Variants in CUBN observed in about 807,000 individuals in gnomAD.
The protein encoded by CUBN is cubilin, also known as 460 kDa receptor.
CUBN carries 282 observed loss-of-function variants against 405.3 expected under a neutral mutation model. The observed-to-expected ratio is 0.70, with a 90% CI of 0.63 to 0.77. The LOEUF is 0.77. Among genes scored for constraint, CUBN ranks in the 30% least tolerant of loss-of-function variants. CUBN has a pLI of 0.00. For missense variants in CUBN, 4,514 were observed against 4,475.2 expected (o/e 1.01, Z -0.25); for synonymous variants, 1,684 against 1,617.0 (o/e 1.04, Z -0.99).
intron 60 of CUBN, among the ~76,000 whole-genome samples, chr10:16,850,844 C>A (rs1839664994): frequency 6.6e-6 from 1 of 152,130 alleles, no homozygotes; most frequent in Non-Finnish European, 1.5e-5. Flanking sequence ...AATCTATAAG[C>A]CTAAGAAATA....
chr10:17,095,256 A>T (rs1383801448), intron 14 of CUBN, among the ~76,000 whole-genome samples: 1 of 152,014 alleles, frequency 6.6e-6, no homozygotes, highest in African/African-American at 2.4e-5. Context: ...GTCAACTCAA[A>T]ATTAAAGACT....
chr10:16,920,958 T>G (rs1214186303), intron 43 of CUBN, among the ~76,000 whole-genome samples: 1 of 152,186 alleles, frequency 6.6e-6, no homozygotes, highest in Non-Finnish European at 1.5e-5. Flanking sequence ...AACTCTAAAT[T>G]GCAAATCCCT....
In CUBN at chr10:16,879,006, G is replaced by A. The variant is rs1840592939; in HGVS notation, c.8906-1909C>T. The stretch of plus-strand genomic sequence containing the variant: ...TTGTTTCCACCTTTTGGCTATTATG[G>A]ATAATGCTGCTATGAACATTCATGC... On this transcript the variant is annotated intron_variant, in intron 56 of 66. Transcript: ENST00000377833. Among the ~76,000 whole-genome samples, 4 of 152,296 alleles carry A rather than the reference G, an allele frequency of 2.6e-5. 1 individual carries two copies. The South Asian group carries it at 6.2e-4, about 24-fold the overall frequency.
chr10:17,060,753 A>G (rs997323052), intron 22 of CUBN, among the ~76,000 whole-genome samples: 11 of 152,164 alleles, frequency 7.2e-5, no homozygotes, highest in Non-Finnish European at 1.3e-4. Flanking sequence ...GAGTTGTCCA[A>G]AGTATTCCAA....
intron 26 of CUBN, among the ~76,000 whole-genome samples, chr10:17,042,627 C>A (rs10904866): frequency 0.37 from 55,999 of 151,994 alleles, 13,659 homozygotes; most frequent in African/African-American, 0.69. Flanking sequence ...ATTACATAGT[C>A]AAACAGATGT....
intron 7 of CUBN, among the ~76,000 whole-genome samples, chr10:17,114,554 T>A (rs536873918): frequency 3.9e-5 from 6 of 152,348 alleles, no homozygotes; most frequent in East Asian, 3.9e-4. Flanking sequence ...CGTTTGTTTT[T>A]CTTTGGAAAG....
At position 16,828,965 on chromosome 10, in the gene CUBN, G is replaced by A. The variant is rs370902394; in HGVS notation, c.10604C>T (p.Thr3535Met). 13 of 1,614,026 alleles carry A rather than the reference G, an allele frequency of 8.1e-6. No homozygotes were observed. The highest frequency in any genetic ancestry group is 8.0e-5 in the African/African-American group (6 of 74,906). Residue 3535 changes from threonine to methionine, a missense_variant, in exon 66 of 67, where the codon ACG becomes ATG. Physicochemically the swap from Thr to Met is moderately conservative, Grantham distance 81. Coordinates refer to ENST00000377833, the MANE Select transcript of CUBN (RefSeq NM_001081.4). ...AGCAACAAGGACCCACTCGCAGTAC[G>A]TGTTGTTTGGGTATGTGCCTGGATA... is the stretch of plus-strand genomic sequence containing the variant. ...PGYPGTYPNNTYCEWVLVAPA... is the reference protein window; with the variant it reads ...PGYPGTYPNNMYCEWVLVAPA...
intron 22 of CUBN, among the ~76,000 whole-genome samples, chr10:17,053,685 G>A (rs1317633290): frequency 6.6e-6 from 1 of 152,054 alleles, no homozygotes; most frequent in Non-Finnish European, 1.5e-5. Context: ...AAGATGAATA[G>A]GGGTATAGAA....
At chr10:16,834,930 C>G in intron 64 of CUBN, 84 bp downstream of exon 64, 1 of 1,225,438 alleles carries the variant, frequency 8.2e-7, no homozygotes, top group Non-Finnish European at 1.2e-6. Flanking sequence ...ATAATATTAG[C>G]AGCACTAGAT....
chr10:16,912,360 T>C (rs115511812), intron 48 of CUBN, among the ~76,000 whole-genome samples: 1,641 of 152,280 alleles, frequency 0.011, 27 homozygotes, highest in African/African-American at 0.038. Context: ...TTATCTCTAT[T>C]ATGTACAGGC....
intron 66 of CUBN, among the ~76,000 whole-genome samples, chr10:16,827,309 A>G (rs1310682289): frequency 6.6e-6 from 1 of 152,250 alleles, no homozygotes; most frequent in African/African-American, 2.4e-5. Flanking sequence ...GTAAGTAGAA[A>G]AAACACACCA....
chr10:16,874,772 T>C (rs1840452466), intron 57 of CUBN, among the ~76,000 whole-genome samples: 1 of 152,160 alleles, frequency 6.6e-6, no homozygotes, highest in South Asian at 2.1e-4. Flanking sequence ...GTCAAATTAA[T>C]GGCCAGAGTG....
At chr10:17,084,790 A>C (rs540304692) in intron 16 of CUBN, among the ~76,000 whole-genome samples, 1 of 152,370 alleles carries the variant, frequency 6.6e-6, no homozygotes, top group Non-Finnish European at 1.5e-5. Context: ...ACATGTAACA[A>C]AATAAACTAC....
intron 15 of CUBN, among the ~76,000 whole-genome samples, chr10:17,087,467 T>TTTTTG (rs1491327620): frequency 1.2e-5 from 1 of 85,200 alleles, no homozygotes; most frequent in Non-Finnish European, 2.3e-5. Flanking sequence ...ATTATTTTTC[T>TTTTTG]TTTTCTTTTT....
chr10:16,833,888 A>G (rs1441248227), intron 64 of CUBN, among the ~76,000 whole-genome samples: 1 of 152,180 alleles, frequency 6.6e-6, no homozygotes, highest in African/African-American at 2.4e-5. Flanking sequence ...TGAGAAAAAA[A>G]ATAAAATAAA....
intron 8 of CUBN, 89 bp from the exon 9 acceptor site, chr10:17,111,139 C>A (rs1002056382): frequency 1.1e-5 from 15 of 1,407,998 alleles, no homozygotes; most frequent in Non-Finnish European, 6.0e-6. Flanking sequence ...AAAACCTTCT[C>A]CACCTAAGGA....
chr10:16,838,804 C>T (rs575384041), intron 62 of CUBN, among the ~76,000 whole-genome samples: 3 of 152,216 alleles, frequency 2.0e-5, no homozygotes, highest in South Asian at 2.1e-4. Context: ...ACCACTGCAC[C>T]CAGCTAATTT....
intron 59 of CUBN, among the ~76,000 whole-genome samples, chr10:16,864,914 T>G (rs1840128009): frequency 6.9e-6 from 1 of 144,834 alleles, no homozygotes; most frequent in Admixed American, 7.0e-5. Context: ...CCTCCCAAAG[T>G]GCTGAGATTA....
chr10:17,032,138 T>C (rs965834022), intron 27 of CUBN, among the ~76,000 whole-genome samples: 50 of 152,096 alleles, frequency 3.3e-4, no homozygotes, highest in Non-Finnish European at 5.6e-4. Context: ...TTGCAAGAGA[T>C]GGAGGTCAGC....
Sources: gnomAD v4.1 joint callset for allele counts (sites outside exome capture counted in the v4.1 genomes callset) on GRCh38, gnomAD v4.1.1 for gene constraint, MANE v1.5 for transcripts, NCBI Gene and HGNC (gene_info 2026-07-23, HGNC 2026-07-21) for gene names.